The following ATXN10 variants were observed in gnomAD, a reference collection of about 807,000 sequenced individuals.
ATXN10 encodes ataxin 10, also known as ataxin-10.
ATXN10 carries 28 observed loss-of-function variants against 52.9 expected under a neutral mutation model. The observed-to-expected ratio is 0.53, with a 90% CI of 0.39 to 0.73. The LOEUF (loss-of-function observed/expected upper bound fraction) is 0.73, where lower values mean the gene tolerates loss of function less well. Ranked by LOEUF, ATXN10 falls within the 30% of genes least tolerant of loss-of-function variation. The pLI, the probability that ATXN10 is intolerant of heterozygous loss-of-function variation, is 0.00. For missense variants in ATXN10, 565 were observed against 577.0 expected, an observed-to-expected ratio of 0.98 and a Z score of 0.21; for synonymous variants, 226 against 221.5, an observed-to-expected ratio of 1.02 and a Z score of -0.18.
chr22:45,720,166 T>A (rs924594928), intron 6 of ATXN10, among the ~76,000 whole-genome samples: 1 of 152,168 alleles, frequency 6.6e-6, no homozygotes, highest in Non-Finnish European at 1.5e-5. Context: ...GTAAACCTTA[T>A]CAGTTATACT....
At chr22:45,693,208 A>G in intron 3 of ATXN10, 130 bp downstream of exon 3, 1 of 783,256 alleles carries the variant, frequency 1.3e-6, no homozygotes, top group Admixed American at 2.2e-5. Flanking sequence ...TTTAATAGTG[A>G]ATTATTAAAG....
chr22:45,766,156 G>A lies in ATXN10; in HGVS notation c.1173+25618G>A, dbSNP rs1926574544. Among the ~76,000 whole-genome samples, 3 of 152,160 alleles carry A rather than the reference G, an allele frequency of 2.0e-5. No homozygotes were observed. Among genetic ancestry groups the A allele is most frequent in the African/African-American group, 7.2e-5 (3 of 41,430 alleles). On this transcript the variant is annotated intron_variant, in intron 9 of 11. Transcript: ENST00000252934. The surrounding 1 kb of genome is among the most constrained non-coding windows in gnomAD (Gnocchi z 4.6). The stretch of plus-strand genomic sequence containing the variant: ...AAGGAATATTTAATAAAAAGTATGG[G>A]GACAAGGATATCCGCTACCTTTAGA...
rs927137743 is a variant in ATXN10 at position 45,824,679 on chromosome 22, G to A, written c.1237+17657G>A. On this transcript the variant is annotated intron_variant, in intron 10 of 11. Transcript: ENST00000252934. This position sits in a 1 kb window ranked among gnomAD's most constrained non-coding sequence, Gnocchi z 5.2. ...CATCACATATCCATGGGTATATGGT[G>A]GCAGCTAGAAAACAAATTTGTATTG... Among the ~76,000 whole-genome samples the A allele has an allele frequency of 3.3e-5, 5 of 152,214 alleles. No homozygotes were observed. Among genetic ancestry groups the A allele is most frequent in the African/African-American group, 1.2e-4 (5 of 41,448 alleles).
intron 9 of ATXN10, among the ~76,000 whole-genome samples, chr22:45,801,516 A>G (rs1207937372): frequency 1.3e-5 from 2 of 152,222 alleles, no homozygotes; most frequent in African/African-American, 2.4e-5. Context: ...ACAAAGATCA[A>G]TGGTACTATA....
intron 7 of ATXN10, among the ~76,000 whole-genome samples, chr22:45,729,932 C>G (rs1040070873): frequency 8.6e-5 from 13 of 152,026 alleles, no homozygotes; most frequent in Non-Finnish European, 1.8e-4. Flanking sequence ...GGAATGTAAG[C>G]TCTAGGAGGG....
rs1929392790 is a variant in ATXN10, at chr22:45,842,916, T to C, written c.1238-75T>C. The C allele has an allele frequency of 6.6e-7, 1 of 1,507,140 alleles. No individual in the cohort carries two copies. Among genetic ancestry groups the C allele is most frequent in the Non-Finnish European group, 9.2e-7 (1 of 1,084,034 alleles). 93.4% of individuals were successfully genotyped at this position (1,507,140 alleles called of 1,614,324 possible). A position where few individuals can be genotyped will look rare whatever the true frequency, so the allele number is the denominator to read the frequency against. The stretch of plus-strand genomic sequence containing the variant: ...GTTCCGTGTTTCTGTGCTCCTCTAC[T>C]CCTTTTCTGATAATTCTTATGTGAA... On this transcript the variant is annotated intron_variant, in intron 10 of 11. Coordinates refer to ENST00000252934, the MANE Select transcript of ATXN10 (RefSeq NM_013236.4). This position sits in a 1 kb window ranked among gnomAD's most constrained non-coding sequence, Gnocchi z 4.8.
intron 9 of ATXN10, chr22:45,792,449 G>C (rs1469435192): frequency 6.5e-6 from 1 of 152,876 alleles, no homozygotes; most frequent in African/African-American, 2.4e-5. Context: ...TTTCCCCCTT[G>C]GTAACCACTT....
intron 3 of ATXN10, among the ~76,000 whole-genome samples, chr22:45,694,480 C>G (rs1053117491): frequency 6.6e-6 from 1 of 151,810 alleles, no homozygotes; most frequent in Non-Finnish European, 1.5e-5. Flanking sequence ...GGTGAAACCC[C>G]GTTTCCAAAA....
At position 45,787,298 on chromosome 22, in the gene ATXN10, T is replaced by G. The variant is rs1244397869; in HGVS notation, c.1174-19661T>G. Among the ~76,000 whole-genome samples, 1 of 152,156 alleles carries G rather than the reference T, an allele frequency of 6.6e-6. No individual in the cohort carries two copies. The highest frequency in any genetic ancestry group is 1.5e-5 in the Non-Finnish European group (1 of 68,010). On this transcript the variant is annotated intron_variant, in intron 9 of 11. Transcript: ENST00000252934. This position sits in a 1 kb window ranked among gnomAD's most constrained non-coding sequence, Gnocchi z 4.2. ...TGTTCAGCTGGGCTGCAGTGAGATT[T>G]GAGGGTGACGATCCTCTAGCTGAAA...
rs1922998234 is a variant in ATXN10 at position 45,683,228 on chromosome 22, A to G, written c.117-6484A>G. Among the ~76,000 whole-genome samples the G allele has an allele frequency of 6.6e-6, 1 of 152,232 alleles. No individual in the cohort carries two copies. The highest frequency in any genetic ancestry group is 2.4e-5 in the African/African-American group (1 of 41,458). ...TACCTACTTGGGAGGCTGAGGCATG[A>G]GAATTGCTTGAACTTGGGAGGCGGG... On this transcript the variant is annotated intron_variant, in intron 1 of 11. Coordinates refer to ENST00000252934, the MANE Select transcript of ATXN10 (RefSeq NM_013236.4). This position sits in a 1 kb window ranked among gnomAD's most constrained non-coding sequence, Gnocchi z 4.8.
At chr22:45,720,404 G>A (rs1207881112) in intron 6 of ATXN10, among the ~76,000 whole-genome samples, 5 of 151,158 alleles carry the variant, frequency 3.3e-5, no homozygotes, top group South Asian at 2.1e-4. Flanking sequence ...AAGTGTGATC[G>A]TAGTGCACTA....
In ATXN10 at chr22:45,842,885, C is replaced by T. The variant is rs1030722186; in HGVS notation, c.1238-106C>T. The T allele has an allele frequency of 1.6e-6, 2 of 1,246,256 alleles. No individual in the cohort carries two copies. Among genetic ancestry groups the T allele is most frequent in the Non-Finnish European group, 2.3e-6 (2 of 853,956 alleles). 77.2% of individuals were successfully genotyped at this position (1,246,256 alleles called of 1,614,324 possible). A position where few individuals can be genotyped will look rare whatever the true frequency, so the allele number is the denominator to read the frequency against. On this transcript the variant is annotated intron_variant, in intron 10 of 11. Transcript: ENST00000252934. This position sits in a 1 kb window ranked among gnomAD's most constrained non-coding sequence, Gnocchi z 4.8. ...CCTCAAGAAAACTTGTGGATTGATA[C>T]TGGATGTTCCGTGTTTCTGTGCTCC...
chr22:45,699,490 CTTT>C (rs917191404), intron 3 of ATXN10, among the ~76,000 whole-genome samples: 2 of 117,268 alleles, frequency 1.7e-5, no homozygotes, highest in Admixed American at 8.7e-5. Context: ...TTTTTCTTTC[CTTT>C]TTTTTTTTTT....
chr22:45,673,974 C>G (rs537916348), intron 1 of ATXN10: 1 of 152,318 alleles, frequency 6.6e-6, no homozygotes, highest in African/African-American at 2.4e-5. Flanking sequence ...GAAGGCCCTT[C>G]TTGACTCTAT....
At chr22:45,798,576 C>T (rs1297251428) in intron 9 of ATXN10, among the ~76,000 whole-genome samples, 1 of 152,158 alleles carries the variant, frequency 6.6e-6, no homozygotes, top group Non-Finnish European at 1.5e-5. Flanking sequence ...TAGTTTCATA[C>T]TTTATGATGA....
intron 10 of ATXN10, among the ~76,000 whole-genome samples, chr22:45,813,500 A>G (rs1458057209): frequency 1.3e-5 from 2 of 150,676 alleles, no homozygotes; most frequent in African/African-American, 4.9e-5. Context: ...AGAAAACAAA[A>G]TTCACTTCTG....
chr22:45,763,110 G>A lies in ATXN10; in HGVS notation c.1173+22572G>A, dbSNP rs1926457804. Among the ~76,000 whole-genome samples, 1 of 152,204 alleles carries A rather than the reference G, an allele frequency of 6.6e-6. No individual in the cohort carries two copies. Among genetic ancestry groups the A allele is most frequent in the Non-Finnish European group, 1.5e-5 (1 of 68,024 alleles). On this transcript the variant is annotated intron_variant, in intron 9 of 11. Transcript: ENST00000252934. This position sits in a 1 kb window ranked among gnomAD's most constrained non-coding sequence, Gnocchi z 6.9. ...GTGGCTACAGCATTTTCATCTGGAA[G>A]GAGGCCTAGGAAATGATGTTTCTGT...
chr22:45,693,890 A>T (rs1293419387), intron 3 of ATXN10, among the ~76,000 whole-genome samples: 2 of 152,046 alleles, frequency 1.3e-5, no homozygotes, highest in Non-Finnish European at 2.9e-5. Context: ...TTGATCTTGG[A>T]CCTCCAGCCA....
chr22:45,717,589 T>A (rs939211308), intron 5 of ATXN10, among the ~76,000 whole-genome samples: 3 of 152,230 alleles, frequency 2.0e-5, no homozygotes, highest in Admixed American at 6.5e-5. Context: ...TGTATTTGGA[T>A]TTCGCTTTTA....
Sources: gnomAD v4.1 joint callset for allele counts (sites outside exome capture counted in the v4.1 genomes callset) on GRCh38, gnomAD v4.1.1 for gene constraint, Gnocchi (gnomAD v3.1) non-coding constraint, MANE v1.5 for transcripts, NCBI Gene and HGNC (gene_info 2026-07-23, HGNC 2026-07-21) for gene names.